Variants in LAMB1 observed in about 807,000 individuals in gnomAD.
LAMB1 encodes laminin subunit beta-1.
Under a neutral mutation model 222.3 loss-of-function variants are expected in LAMB1, and 121 were observed. The ratio of observed to expected loss-of-function variants is 0.54; its 90% CI spans 0.47 to 0.63. The LOEUF is 0.63. LAMB1 is among the 30% of genes least tolerant of loss of function. The probability of loss-of-function intolerance (pLI) is 0.00; values close to 1 mark genes in which losing one functional copy is unlikely to be tolerated. For missense variants in LAMB1, 2,172 were observed against 2,240.8 expected (o/e 0.97, Z 0.62); for synonymous variants, 794 against 807.2 (o/e 0.98, Z 0.28).
chr7:107,984,438 C>A (rs2283049), intron 7 of LAMB1, among the ~76,000 whole-genome samples: 94,825 of 152,046 alleles, frequency 0.62, 30,302 homozygotes, highest in African/African-American at 0.74. Flanking sequence ...AGTAGAGACA[C>A]GGTTTTACCA....
At chr7:107,984,730 A>G (rs1276238365) in intron 7 of LAMB1, among the ~76,000 whole-genome samples, 1 of 152,234 alleles carries the variant, frequency 6.6e-6, no homozygotes, top group Admixed American at 6.5e-5. Flanking sequence ...TTAAATTTGA[A>G]TTGCAGATAA....
intron 24 of LAMB1, 55 bp from the exon 25 acceptor site, chr7:107,940,413 A>C: frequency 6.5e-7 from 1 of 1,548,542 alleles, no homozygotes; most frequent in South Asian, 1.2e-5. Flanking sequence ...CCTCAGTGAC[A>C]AGATGTGGCA....
chr7:107,981,535 C>T lies in LAMB1; in HGVS notation c.677-724G>A, dbSNP rs149647294. 8.1e-4 allele frequency among the ~76,000 whole-genome samples: 123 copies of T among 151,564 alleles called. 1 individual carries two copies. Among genetic ancestry groups the T allele is most frequent in the African/African-American group, 2.1e-3 (88 of 41,256 alleles). ...GGTTGAGGCAGGAGAGTTGCCTGAA[C>T]GACAACAAAAAAGAGTAGCTATTCT... is the stretch of plus-strand genomic sequence containing the variant. On this transcript the variant is annotated intron_variant, in intron 7 of 33. Transcript: ENST00000222399.
intron 24 of LAMB1, among the ~76,000 whole-genome samples, chr7:107,940,728 C>T (rs2032961369): frequency 6.6e-6 from 1 of 152,246 alleles, no homozygotes; most frequent in South Asian, 2.1e-4. Context: ...AAAGGCCACG[C>T]CAGAATTCTG....
Position 107,960,600 on chromosome 7 carries a change from C to G in LAMB1, c.2159G>C (p.Gly720Ala). ...GTTGGTGACCACCCCATCTCCTGAA[C>G]CTCCCACGGTGAAGATGTCCAGTGA... ...CKSLDIFTVG[G>A]SGDGVVTNSA... is the part of the protein sequence containing the mutation. The change falls in exon 18 of 34, where the codon GGT (glycine) becomes GCT (alanine). Residue 720 changes from glycine (G) to alanine (A), a missense_variant. Transcript: ENST00000222399. The G allele has an allele frequency of 6.2e-7, 1 of 1,614,232 alleles. No homozygotes were observed. The highest frequency in any genetic ancestry group is 8.5e-7 in the Non-Finnish European group (1 of 1,180,024).
rs757382727 is a variant in LAMB1, at chr7:107,937,261, C to T, written c.3778G>A (p.Val1260Ile). ...FEEAEKLIKD[V>I]TEMMAQVEVK... ...TCTACTTGAGCCATCATTTCTGTAA[C>T]ATCTTTAATCAGTTTCCTGTAAAGA... Residue 1260 changes from valine to isoleucine, a missense_variant, in exon 26 of 34, where the codon GTT becomes ATT. Transcript: ENST00000222399. 5 of 1,613,246 alleles carry T rather than the reference C, an allele frequency of 3.1e-6. No individual in the cohort carries two copies. The highest frequency in any genetic ancestry group is 4.2e-6 in the Non-Finnish European group (5 of 1,179,634).
intron 7 of LAMB1, among the ~76,000 whole-genome samples, chr7:107,985,683 C>G (rs1356552253): frequency 6.6e-6 from 1 of 151,278 alleles, no homozygotes; most frequent in African/African-American, 2.4e-5. Context: ...TTGGGTCAGG[C>G]GTGGTGGCTC....
chr7:107,991,066 T>G (rs1196796591), intron 5 of LAMB1, among the ~76,000 whole-genome samples: 1 of 152,052 alleles, frequency 6.6e-6, no homozygotes, highest in Non-Finnish European at 1.5e-5. Flanking sequence ...GGTTCCCAAT[T>G]TTTTTTTGGT....
At position 107,975,699 on chromosome 7, in the gene LAMB1, A is replaced by G; in HGVS notation, c.1179T>C (p.Asn393=). The G allele has an allele frequency of 1.2e-6, 2 of 1,611,188 alleles. No individual in the cohort carries two copies. The highest frequency in any genetic ancestry group is 1.7e-6 in the Non-Finnish European group (2 of 1,178,272). The change falls in exon 10 of 34, where the codon AAT becomes AAC. Residue 393 remains asparagine (N), a synonymous_variant. Transcript: ENST00000222399. ...QHPERDIRDP[N]FCERCTCDPA... ...CATTTCTCAACATACGTTCACAGAA[A>G]TTAGGATCTCGGATGTCCCTCTCTG...
At chr7:107,972,901 T>C in intron 13 of LAMB1, 91 bp downstream of exon 13, 1 of 1,036,536 alleles carries the variant, frequency 9.6e-7, no homozygotes, top group East Asian at 2.4e-5. Flanking sequence ...TTTGCATGTC[T>C]TTTTGAGAAA....
intron 12 of LAMB1, among the ~76,000 whole-genome samples, chr7:107,974,068 C>T (rs2033804442): frequency 6.6e-6 from 1 of 152,164 alleles, no homozygotes; most frequent in Non-Finnish European, 1.5e-5. Context: ...TGAGTCATCA[C>T]ACCTGACCAG....
At chr7:107,995,918 T>G (rs1364431208) in intron 4 of LAMB1, among the ~76,000 whole-genome samples, 1 of 152,152 alleles carries the variant, frequency 6.6e-6, no homozygotes, top group East Asian at 1.9e-4. Flanking sequence ...AAATAAACTC[T>G]TGCTGGAAAA....
chr7:107,975,359 G>A lies in LAMB1; in HGVS notation c.1244C>T (p.Thr415Ile). ...SQNEGICDSY[T>I]DFSTGLIAGQ... ...AGCAATGAGACCAGTAGAAAAATCA[G>A]TATAGCTGTCACAAATTCCCTCATT... Residue 415 changes from threonine to isoleucine, a missense_variant, in exon 11 of 34, where the codon ACT (threonine) becomes ATT (isoleucine). Physicochemically the swap from Thr to Ile is moderately conservative, Grantham distance 89. Transcript: ENST00000222399. The A allele has an allele frequency of 1.9e-6, 3 of 1,613,860 alleles. No individual in the cohort carries two copies. The highest frequency in any genetic ancestry group is 2.5e-6 in the Non-Finnish European group (3 of 1,179,932).
intron 25 of LAMB1, among the ~76,000 whole-genome samples, chr7:107,938,727 G>T (rs1366998449): frequency 6.6e-6 from 1 of 152,120 alleles, no homozygotes; most frequent in African/African-American, 2.4e-5. Context: ...CCAAAACTGT[G>T]ATCTCTGCAC....
At chr7:107,988,100 G>C (rs1430422038) in intron 5 of LAMB1, among the ~76,000 whole-genome samples, 1 of 152,164 alleles carries the variant, frequency 6.6e-6, no homozygotes, top group Non-Finnish European at 1.5e-5. Flanking sequence ...AGATAGAAAG[G>C]GATGGAACTG....
intron 31 of LAMB1, among the ~76,000 whole-genome samples, chr7:107,927,133 A>G (rs1293429598): frequency 1.3e-5 from 2 of 152,250 alleles, no homozygotes; most frequent in Admixed American, 6.5e-5. Flanking sequence ...CAGTACTGCT[A>G]TAATGAAGTT....
At chr7:107,925,471 C>T (rs1369672018) in intron 32 of LAMB1, among the ~76,000 whole-genome samples, 1 of 152,100 alleles carries the variant, frequency 6.6e-6, no homozygotes, top group African/African-American at 2.4e-5. Flanking sequence ...CATCCCCACC[C>T]CCGAGTCTGG....
chr7:107,984,216 G>A (rs2034029158), intron 7 of LAMB1, among the ~76,000 whole-genome samples: 1 of 152,032 alleles, frequency 6.6e-6, no homozygotes, highest in South Asian at 2.1e-4. Flanking sequence ...CCAATGAGAT[G>A]TGAGCAGAAG....
chr7:107,972,097 T>G (rs900028369), intron 13 of LAMB1, among the ~76,000 whole-genome samples: 1 of 152,222 alleles, frequency 6.6e-6, no homozygotes, highest in East Asian at 1.9e-4. Context: ...TAAGAACAGA[T>G]ATTCACACCG....
Sources: gnomAD v4.1 joint callset for allele counts (sites outside exome capture counted in the v4.1 genomes callset) on GRCh38, gnomAD v4.1.1 for gene constraint, MANE v1.5 for transcripts, NCBI Gene and HGNC (gene_info 2026-07-23, HGNC 2026-07-21) for gene names.